Variants in UGT2B4 observed in about 807,000 individuals in gnomAD.
The protein encoded by UGT2B4 is UDP glucuronosyltransferase family 2 member B4.
A neutral mutation model predicts 49.8 loss-of-function variants in UGT2B4; 49 were observed. That is an observed-to-expected ratio of 0.98 (90% confidence interval 0.78 to 1.25). The LOEUF (loss-of-function observed/expected upper bound fraction) is 1.25. Ranked by LOEUF, UGT2B4 falls within the 50% of genes most tolerant of loss-of-function variation. UGT2B4 has a pLI of 0.00. For synonymous variants in UGT2B4, 246 were observed against 217.7 expected (o/e 1.13, Z -1.14); for missense variants, 729 against 627.7 (o/e 1.16, Z -1.73).
rs3075675 is a variant in UGT2B4, at chr4:69,509,170, A to ATTTTTTTTTTT, written c.-105-13215_-105-13205dup. ...GATTGTTAGATCATATGGAATTTCT[A>ATTTTTTTTTTT]TTTTTTTTTTTTTTTTTTGAGACAG... On this transcript the variant is annotated intron_variant, in intron 1 of 1. Transcript: ENST00000510114. Among the ~76,000 whole-genome samples, 72 of 119,720 alleles carry ATTTTTTTTTTT rather than the reference A, an allele frequency of 6.0e-4. 4 individuals are homozygous for ATTTTTTTTTTT. The highest frequency in any genetic ancestry group is 6.9e-4 in the Non-Finnish European group (42 of 61,000). 78.5% of individuals were successfully genotyped at this position (119,720 alleles called of 152,430 possible).
In UGT2B4 at chr4:69,485,260, T is replaced by C. The variant is rs746066735; in HGVS notation, c.1258A>G (p.Met420Val). Residue 420 changes from methionine to valine, a missense_variant, in exon 5 of 6, where the codon ATG (methionine) becomes GTG (valine). Met to Val is a conservative substitution (Grantham distance 21). Transcript: ENST00000305107. ...GCATTGAGTAAGTCTGTACTCGACA[T>C]TGTGTGGAAGTCCAAACTAACAGCT... ...GAAVSLDFHT[M>V]SSTDLLNALK... 10 of 1,613,988 alleles carry C rather than the reference T, an allele frequency of 6.2e-6. No individual in the cohort carries two copies. The Admixed American group carries it at 1.0e-4, about 16-fold the overall frequency.
Position 69,495,390 on chromosome 4 carries a change from C to T in UGT2B4, c.472G>A (p.Glu158Lys). Residue 158 changes from glutamate to lysine, a missense_variant, in exon 1 of 6, where the codon GAG becomes AAG. Glu to Lys is a moderately conservative substitution (Grantham distance 56). Transcript: ENST00000305107. ...ATTTTAAGTAACTCGGCCAGCAGCT[C>T]ACCAAAGGGGAAAACAGCATCTGCA... Reference protein sequence around the residue: ...VLADAVFPFGELLAELLKIPF... With the variant: ...VLADAVFPFGKLLAELLKIPF... 6.2e-7 allele frequency: 1 copy of T among 1,614,000 alleles called. No homozygotes were observed. The highest frequency in any genetic ancestry group is 1.1e-5 in the South Asian group (1 of 91,068).
At chr4:69,500,123 T>C (rs1728262640), upstream of UGT2B4, among the ~76,000 whole-genome samples, 1 of 152,134 alleles carries the variant, frequency 6.6e-6, no homozygotes, top group African/African-American at 2.4e-5. Flanking sequence ...GAAGCCATTA[T>C]CCTCAGCAAA....
chr4:69,525,033 A>T (rs1450853558), intron 1 of UGT2B4, among the ~76,000 whole-genome samples: 3 of 152,198 alleles, frequency 2.0e-5, no homozygotes, highest in Non-Finnish European at 4.4e-5. Flanking sequence ...GATTATTTTT[A>T]AAAATTGGTT....
At chr4:69,482,047 C>T (rs1459544321) in intron 5 of UGT2B4, among the ~76,000 whole-genome samples, 1 of 152,198 alleles carries the variant, frequency 6.6e-6, no homozygotes, top group Non-Finnish European at 1.5e-5. Context: ...CTTTCCCATG[C>T]ACACTAGGTC....
Position 69,501,519 on chromosome 4 carries a change from T to A in UGT2B4, c.-105-5553A>T, listed in dbSNP as rs116189905. Among the ~76,000 whole-genome samples, 1,123 of 152,132 alleles carry A rather than the reference T, an allele frequency of 7.4e-3. 8 individuals are homozygous for A. The highest frequency in any genetic ancestry group is 0.037 in the Middle Eastern group (11 of 294). ...GAGGCTTTGAACAGTCCAAGATGAC[T>A]GGGGTGAAAGTGATAGCCCAGCACA... On this transcript the variant is annotated intron_variant, in intron 1 of 1. Transcript: ENST00000510114.
chr4:69,508,933 G>A (rs976191151), intron 1 of UGT2B4, among the ~76,000 whole-genome samples: 3 of 152,032 alleles, frequency 2.0e-5, no homozygotes, highest in Non-Finnish European at 4.4e-5. Context: ...TAGAATTTAT[G>A]CATCTTGTTT....
chr4:69,494,163 G>A (rs559607277), intron 1 of UGT2B4, among the ~76,000 whole-genome samples: 26 of 152,162 alleles, frequency 1.7e-4, no homozygotes, highest in African/African-American at 6.3e-4. Context: ...TTCGATAGTA[G>A]CAGATATACG....
upstream of UGT2B4, among the ~76,000 whole-genome samples, chr4:69,500,646 A>AAAGG (rs1728290947): frequency 7.1e-6 from 1 of 141,166 alleles, no homozygotes; most frequent in Non-Finnish European, 1.6e-5. Context: ...AGAAAGAAAG[A>AAAGG]AAGAAAGAAA....
chr4:69,513,669 T>A (rs1000187125), intron 1 of UGT2B4, among the ~76,000 whole-genome samples: 1 of 152,220 alleles, frequency 6.6e-6, no homozygotes, highest in Non-Finnish European at 1.5e-5. Context: ...CTTTGGGCAA[T>A]ATGGCCATTT....
chr4:69,516,944 T>G (rs1276804977), intron 1 of UGT2B4, among the ~76,000 whole-genome samples: 2 of 152,050 alleles, frequency 1.3e-5, no homozygotes, highest in East Asian at 3.9e-4. Context: ...AAACATCTGT[T>G]CATGTCCTTT....
At chr4:69,486,005 C>G (rs1448696514) in intron 4 of UGT2B4, among the ~76,000 whole-genome samples, 1 of 152,138 alleles carries the variant, frequency 6.6e-6, no homozygotes, top group Non-Finnish European at 1.5e-5. Context: ...AGTCAATCCA[C>G]CTGCATCAGC....
intron 1 of UGT2B4, among the ~76,000 whole-genome samples, chr4:69,519,222 C>T (rs909964526): frequency 1.3e-5 from 2 of 152,030 alleles, no homozygotes; most frequent in Non-Finnish European, 2.9e-5. Flanking sequence ...TCAAGCTTTT[C>T]GCAAGTAATT....
chr4:69,496,554 G>A (rs540251659), upstream of UGT2B4, among the ~76,000 whole-genome samples: 10 of 152,208 alleles, frequency 6.6e-5, no homozygotes, highest in African/African-American at 2.4e-4. Context: ...ATCAATTATT[G>A]TGTAAAATTT....
intron 5 of UGT2B4, among the ~76,000 whole-genome samples, chr4:69,481,748 T>TAC: frequency 6.6e-6 from 1 of 152,304 alleles, no homozygotes; most frequent in East Asian, 1.9e-4. Context: ...GTAAAAGATA[T>TAC]ACACCTTAAA....
intron 2 of UGT2B4, among the ~76,000 whole-genome samples, chr4:69,490,750 T>A (rs1317508775): frequency 6.6e-6 from 1 of 152,152 alleles, no homozygotes; most frequent in Non-Finnish European, 1.5e-5. Flanking sequence ...TTAATGATGT[T>A]AGAGTCATTG....
At chr4:69,486,519 C>A in intron 4 of UGT2B4, 90 bp downstream of exon 4, 2 of 855,410 alleles carry the variant, frequency 2.3e-6, no homozygotes, top group South Asian at 2.7e-5. Flanking sequence ...TTTTCCATAA[C>A]AAATGTTCAG....
chr4:69,496,155 G>A (rs1221305614), upstream of UGT2B4, among the ~76,000 whole-genome samples: 1 of 151,796 alleles, frequency 6.6e-6, no homozygotes, highest in African/African-American at 2.4e-5. Context: ...TGAGTAGCTG[G>A]GACTACAGAC....
chr4:69,516,767 C>T (rs1390978529), intron 1 of UGT2B4, among the ~76,000 whole-genome samples: 9 of 151,996 alleles, frequency 5.9e-5, no homozygotes, highest in Non-Finnish European at 2.9e-5. Flanking sequence ...ACCACCACGC[C>T]TGGCTAATTT....
Sources: allele counts gnomAD v4.1 joint callset (sites outside exome capture counted in the v4.1 genomes callset), GRCh38; gene constraint gnomAD v4.1.1; transcripts MANE v1.5; gene names NCBI Gene and HGNC (gene_info 2026-07-23, HGNC 2026-07-21).